Variants in SRF observed in about 807,000 individuals in gnomAD.
SRF encodes c-fos serum response element-binding transcription factor.
Under a neutral mutation model 37.1 loss-of-function variants are expected in SRF, and 7 were observed. The ratio of observed to expected loss-of-function variants is 0.19; its 90% confidence interval spans 0.11 to 0.35. SRF has a LOEUF of 0.35. SRF is among the 10% of genes least tolerant of loss of function. The pLI is 1.00. For missense variants in SRF, 395 were observed against 694.4 expected, an observed-to-expected ratio of 0.57 and a Z score of 4.85; for synonymous variants, 285 against 310.1, an observed-to-expected ratio of 0.92 and a Z score of 0.85.
At position 43,179,238 on chromosome 6, in the gene SRF, T is replaced by A; in HGVS notation, c.*48T>A. The A allele has an allele frequency of 6.2e-7, 1 of 1,600,954 alleles. No individual in the cohort carries two copies. Among genetic ancestry groups the A allele is most frequent in the South Asian group, 1.1e-5 (1 of 90,534 alleles). On this transcript the variant is annotated 3_prime_UTR_variant, in exon 7 of 7. Coordinates refer to ENST00000265354, the MANE Select transcript of SRF (RefSeq NM_003131.4). The surrounding 1 kb of genome is among the most constrained non-coding windows in gnomAD (Gnocchi z 5.3). Reference sequence around the variant, plus strand: ...TGGCCCAAGGGATGGCACCACTTATTTATTGTTGCCTTTTCACGTTTTCTT... The same window carrying A: ...TGGCCCAAGGGATGGCACCACTTATATATTGTTGCCTTTTCACGTTTTCTT...
intron 4 of SRF, among the ~76,000 whole-genome samples, chr6:43,177,038 A>G (rs993698329): frequency 2.6e-5 from 4 of 152,116 alleles, no homozygotes; most frequent in Non-Finnish European, 4.4e-5. Context: ...AGCCACAGTT[A>G]CCCTCAGGTA....
intron 4 of SRF, among the ~76,000 whole-genome samples, chr6:43,177,235 T>G (rs1052243533): frequency 6.9e-6 from 1 of 145,364 alleles, no homozygotes; most frequent in African/African-American, 2.7e-5. Flanking sequence ...TCTGTTTTTT[T>G]TTTTTTTTTT....
In SRF at chr6:43,179,228, C is replaced by A; in HGVS notation, c.*38C>A. 6.2e-7 allele frequency: 1 copy of A among 1,604,478 alleles called. No individual in the cohort carries two copies. The highest frequency in any genetic ancestry group is 8.5e-7 in the Non-Finnish European group (1 of 1,171,648). ...CCTGGACAGATGGCCCAAGGGATGG[C>A]ACCACTTATTTATTGTTGCCTTTTC... On this transcript the variant is annotated 3_prime_UTR_variant, in exon 7 of 7. Coordinates refer to ENST00000265354, the MANE Select transcript of SRF (RefSeq NM_003131.4). This position sits in a 1 kb window ranked among gnomAD's most constrained non-coding sequence, Gnocchi z 5.3.
In SRF at chr6:43,171,541, C is replaced by T; in HGVS notation, c.-116C>T. 3 of 1,098,240 alleles carry T rather than the reference C, an allele frequency of 2.7e-6. No individual in the cohort carries two copies. The highest frequency in any genetic ancestry group is 3.4e-6 in the Non-Finnish European group (3 of 881,518). 68.0% of individuals were successfully genotyped at this position (1,098,240 alleles called of 1,614,324 possible). On this transcript the variant is annotated 5_prime_UTR_variant, in exon 1 of 7. Coordinates refer to ENST00000265354, the MANE Select transcript of SRF (RefSeq NM_003131.4). This position sits in a 1 kb window ranked among gnomAD's most constrained non-coding sequence, Gnocchi z 6.5. The stretch of plus-strand genomic sequence containing the variant: ...GGGTTCGCAGCGGCGGCCGCGGCAG[C>T]GATAGCGGCACTAGCAGCAGCGGGA...
Position 43,172,264 on chromosome 6 carries a change from A to G in SRF, c.513+95A>G. 6.7e-7 allele frequency: 1 copy of G among 1,484,102 alleles called. No individual in the cohort carries two copies. The highest frequency in any genetic ancestry group is 8.9e-7 in the Non-Finnish European group (1 of 1,117,814). 91.9% of individuals were successfully genotyped at this position (1,484,102 alleles called of 1,614,324 possible). ...GGACCGCAGAGCCGAGGCGGAGGTG[A>G]GAGGCTGCGAGTCCGCAGGAGGTGT... On this transcript the variant is annotated intron_variant, in intron 1 of 6. Transcript: ENST00000265354. The surrounding 1 kb of genome is among the most constrained non-coding windows in gnomAD (Gnocchi z 5.7).
chr6:43,171,630 C>G lies in SRF; in HGVS notation c.-27C>G. 1 of 1,197,620 alleles carries G rather than the reference C, an allele frequency of 8.3e-7. No individual in the cohort carries two copies. Among genetic ancestry groups the G allele is most frequent in the Non-Finnish European group, 1.0e-6 (1 of 964,432 alleles). The allele number at this position is 1,197,620 out of a possible 1,614,324, so 74.2% of individuals were successfully genotyped here. Reference sequence around the variant, plus strand: ...GGCGGCTCCGATTCCTCGCTGACTGCCCGTCCGCCCTCCTGCATCGAGCGC... The same window carrying G: ...GGCGGCTCCGATTCCTCGCTGACTGGCCGTCCGCCCTCCTGCATCGAGCGC... On this transcript the variant is annotated 5_prime_UTR_variant, in exon 1 of 7. Coordinates refer to ENST00000265354, the MANE Select transcript of SRF (RefSeq NM_003131.4). The surrounding 1 kb of genome is among the most constrained non-coding windows in gnomAD (Gnocchi z 6.5).
At position 43,171,857 on chromosome 6, in the gene SRF, C is replaced by G; in HGVS notation, c.201C>G (p.Thr67=). ...EREAAAAAAT[T]PAPTAGALYS... ...AGGCTGCGGCAGCGGCGGCAACCACCCCGGCGCCCACCGCGGGGGCCCTCT... is the reference window on the plus strand; with the variant it reads ...AGGCTGCGGCAGCGGCGGCAACCACGCCGGCGCCCACCGCGGGGGCCCTCT... Residue 67 remains threonine (T), a synonymous_variant, in exon 1 of 7, where the codon ACC becomes ACG. Coordinates refer to ENST00000265354, the MANE Select transcript of SRF (RefSeq NM_003131.4). The surrounding 1 kb of genome is among the most constrained non-coding windows in gnomAD (Gnocchi z 6.5). 1 of 1,308,450 alleles carries G rather than the reference C, an allele frequency of 7.6e-7. No homozygotes were observed. The highest frequency in any genetic ancestry group is 9.7e-7 in the Non-Finnish European group (1 of 1,031,406). 81.1% of individuals were successfully genotyped at this position (1,308,450 alleles called of 1,614,324 possible).
intron 4 of SRF, among the ~76,000 whole-genome samples, chr6:43,177,698 G>A (rs897879469): frequency 5.9e-5 from 9 of 151,318 alleles, no homozygotes; most frequent in East Asian, 4.0e-4. Context: ...GGCAGATCAC[G>A]AGGTCAGGAG....
rs974807306 is a variant in SRF, at chr6:43,178,916, A to G, written c.1431+34A>G. 1 of 1,608,604 alleles carries G rather than the reference A, an allele frequency of 6.2e-7. No homozygotes were observed. Among genetic ancestry groups the G allele is most frequent in the African/African-American group, 1.3e-5 (1 of 74,822 alleles). Reference sequence around the variant, plus strand: ...GGATATCTTTCACCCCATCCCAGATAGCCACTTCTTTGTCTTGACCTTAGG... The same window carrying G: ...GGATATCTTTCACCCCATCCCAGATGGCCACTTCTTTGTCTTGACCTTAGG... On this transcript the variant is annotated intron_variant, in intron 6 of 6. Coordinates refer to ENST00000265354, the MANE Select transcript of SRF (RefSeq NM_003131.4). The surrounding 1 kb of genome is among the most constrained non-coding windows in gnomAD (Gnocchi z 4.3).
rs1237012428 is a variant in SRF, at chr6:43,172,157, C to A, written c.501C>A (p.Gly167=). 6.2e-7 allele frequency: 1 copy of A among 1,610,738 alleles called. No homozygotes were observed. The highest frequency in any genetic ancestry group is 8.5e-7 in the Non-Finnish European group (1 of 1,179,656). The change falls in exon 1 of 7, where the codon GGC becomes GGA. Residue 167 remains glycine, a synonymous_variant. Coordinates refer to ENST00000265354, the MANE Select transcript of SRF (RefSeq NM_003131.4). This position sits in a 1 kb window ranked among gnomAD's most constrained non-coding sequence, Gnocchi z 5.7. ...CGACCTTCAGCAAGAGGAAGACGGG[C>A]ATCATGAAGAAGGTACCAAGCCGGG... ...RYTTFSKRKT[G]IMKKAYELST... is the part of the protein sequence containing the mutation.
At chr6:43,177,095 A>T (rs966160074) in intron 4 of SRF, among the ~76,000 whole-genome samples, 1 of 152,170 alleles carries the variant, frequency 6.6e-6, no homozygotes, top group African/African-American at 2.4e-5. Context: ...AGTAAGGTTA[A>T]TTTTAAGTTC....
At position 43,176,087 on chromosome 6, in the gene SRF, G is replaced by A. The variant is rs2275070; in HGVS notation, c.1042+120G>A. ...CCCTGCTCAGAAGGAAGGTGAATAG[G>A]GGCCAGAGCCTGAGCGAAGCCTCTT... is the stretch of plus-strand genomic sequence containing the variant. On this transcript the variant is annotated intron_variant, in intron 3 of 6. Transcript: ENST00000265354. The surrounding 1 kb of genome is among the most constrained non-coding windows in gnomAD (Gnocchi z 4.0). 4.6e-4 allele frequency: 636 copies of A among 1,395,120 alleles called. 5 individuals carry two copies. In the East Asian group the frequency reaches 0.015, roughly 34 times the overall value. The allele number at this position is 1,395,120 out of a possible 1,614,324, so 86.4% of individuals were successfully genotyped here.
Position 43,176,706 on chromosome 6 carries a change from C to T in SRF, c.1162+39C>T. 4 of 1,602,554 alleles carry T rather than the reference C, an allele frequency of 2.5e-6. No homozygotes were observed. Among genetic ancestry groups the T allele is most frequent in the Non-Finnish European group, 3.4e-6 (4 of 1,171,854 alleles). On this transcript the variant is annotated intron_variant, in intron 4 of 6. Transcript: ENST00000265354. This position sits in a 1 kb window ranked among gnomAD's most constrained non-coding sequence, Gnocchi z 4.0. ...CCCTGTCACCCTCCCTCCCTGCCTT[C>T]CCCCACGAGGCCTAGCAGTAGGTGC...
In SRF at chr6:43,171,475, G is replaced by A. The variant is rs1349888397; in HGVS notation, c.-182G>A. ...GGGGCAACCCGGGCCACAGGGGCAG[G>A]AAAGTGAGGGCCCAGGTCGGCCCGG... On this transcript the variant is annotated 5_prime_UTR_variant, in exon 1 of 7. Coordinates refer to ENST00000265354, the MANE Select transcript of SRF (RefSeq NM_003131.4). This position sits in a 1 kb window ranked among gnomAD's most constrained non-coding sequence, Gnocchi z 6.5. 1.8e-6 allele frequency: 1 copy of A among 554,132 alleles called. No individual in the cohort carries two copies. Among genetic ancestry groups the A allele is most frequent in the Non-Finnish European group, 2.6e-6 (1 of 391,078 alleles). The allele number at this position is 554,132 out of a possible 1,614,324, so 34.3% of individuals were successfully genotyped here.
At position 43,178,415 on chromosome 6, in the gene SRF, C is replaced by T. The variant is rs770869619; in HGVS notation, c.1284C>T (p.Leu428=). Residue 428 remains leucine, a synonymous_variant, in exon 5 of 7, where the codon CTC becomes CTT. Transcript: ENST00000265354. The surrounding 1 kb of genome is among the most constrained non-coding windows in gnomAD (Gnocchi z 4.3). ...CCTCGGGCCTGGGTGATGGCAGCCTCACCGTGCTGAATGCCTTCTCCCAGG... is the reference window on the plus strand; with the variant it reads ...CCTCGGGCCTGGGTGATGGCAGCCTTACCGTGCTGAATGCCTTCTCCCAGG... ...APTSGLGDGS[L]TVLNAFSQAP... The T allele has an allele frequency of 4.6e-5, 75 of 1,614,012 alleles. No individual in the cohort carries two copies. The highest frequency in any genetic ancestry group is 6.2e-5 in the Non-Finnish European group (73 of 1,180,052).
chr6:43,176,544 G>C lies in SRF; in HGVS notation c.1043-4G>C. 6.2e-7 allele frequency: 1 copy of C among 1,614,052 alleles called. No homozygotes were observed. The highest frequency in any genetic ancestry group is 8.5e-7 in the Non-Finnish European group (1 of 1,179,964). Reference sequence around the variant, plus strand: ...GAGCACAAATAAGACTCTGTGTCTTGCAGGTGGGGCAGTGGCCCAGCAGGT... The same window carrying C: ...GAGCACAAATAAGACTCTGTGTCTTCCAGGTGGGGCAGTGGCCCAGCAGGT... On this transcript the variant is annotated splice_region_variant and splice_polypyrimidine_tract_variant and intron_variant, in intron 3 of 6. Coordinates refer to ENST00000265354, the MANE Select transcript of SRF (RefSeq NM_003131.4). This position sits in a 1 kb window ranked among gnomAD's most constrained non-coding sequence, Gnocchi z 4.0.
chr6:43,177,914 C>CAA (rs748998373), intron 4 of SRF, among the ~76,000 whole-genome samples: 2 of 47,904 alleles, frequency 4.2e-5, no homozygotes, highest in Non-Finnish European at 4.4e-5. Flanking sequence ...GACTCCATCT[C>CAA]AAAAAAAAAA....
rs1477699401 is a variant in SRF at position 43,179,947 on chromosome 6, T to A, written c.*757T>A. On this transcript the variant is annotated 3_prime_UTR_variant, in exon 7 of 7. Coordinates refer to ENST00000265354, the MANE Select transcript of SRF (RefSeq NM_003131.4). The surrounding 1 kb of genome is among the most constrained non-coding windows in gnomAD (Gnocchi z 5.3). ...AAACAAATCTATAAATATATATTTT[T>A]AAAATATTTAACTTTTTTTTATGGC... 6.6e-6 allele frequency: 1 copy of A among 152,344 alleles called. No homozygotes were observed. Among genetic ancestry groups the A allele is most frequent in the Non-Finnish European group, 1.5e-5 (1 of 68,026 alleles). The allele number at this position is 152,344 out of a possible 1,614,324, so 9.4% of individuals were successfully genotyped here.
chr6:43,174,610 A>G (rs1239468293), intron 2 of SRF, among the ~76,000 whole-genome samples: 1 of 152,222 alleles, frequency 6.6e-6, no homozygotes, highest in East Asian at 1.9e-4. Flanking sequence ...GCCTGCTGCT[A>G]GGGATGCCTG....
Sources: gnomAD v4.1 joint callset for allele counts (sites outside exome capture counted in the v4.1 genomes callset) on GRCh38, gnomAD v4.1.1 for gene constraint, Gnocchi (gnomAD v3.1) non-coding constraint, MANE v1.5 for transcripts, NCBI Gene and HGNC (gene_info 2026-07-23, HGNC 2026-07-21) for gene names.